ELMO1: variants seen among roughly 807,000 people sequenced by gnomAD.
The protein encoded by ELMO1 is engulfment and cell motility protein 1.
Under a neutral mutation model 98.9 loss-of-function variants are expected in ELMO1, and 26 were observed. The ratio of observed to expected loss-of-function variants is 0.26; its 90% CI spans 0.19 to 0.36. The LOEUF is 0.36. ELMO1 is among the 10% of genes least tolerant of loss of function. The pLI, the probability that ELMO1 is intolerant of heterozygous loss-of-function variation, is 1.00. For synonymous variants in ELMO1, 346 were observed against 346.0 expected, an observed-to-expected ratio of 1.00 and a Z score of 0.00; for missense variants, 627 against 935.2, an observed-to-expected ratio of 0.67 and a Z score of 4.30.
intron 15 of ELMO1, among the ~76,000 whole-genome samples, chr7:37,073,464 C>T (rs1797388491): frequency 6.6e-6 from 1 of 152,106 alleles, no homozygotes; most frequent in South Asian, 2.1e-4. Flanking sequence ...CTCATGGTGG[C>T]AGAATAGTAA....
At chr7:37,356,244 A>G (rs887743187) in intron 1 of ELMO1, among the ~76,000 whole-genome samples, 4 of 152,128 alleles carry the variant, frequency 2.6e-5, no homozygotes, top group African/African-American at 9.7e-5. Context: ...GTTATTGTGA[A>G]CAGTGCTACA....
chr7:37,176,154 T>C (rs187858119), intron 13 of ELMO1, among the ~76,000 whole-genome samples: 1 of 152,300 alleles, frequency 6.6e-6, no homozygotes, highest in African/African-American at 2.4e-5. Flanking sequence ...GCTAGGCAAA[T>C]TAATTTCAGA....
intron 15 of ELMO1, among the ~76,000 whole-genome samples, chr7:37,087,149 C>A (rs1242058647): frequency 6.6e-6 from 1 of 152,114 alleles, no homozygotes; most frequent in African/African-American, 2.4e-5. Flanking sequence ...ACATATGGAA[C>A]ATCTACTAAG....
At chr7:37,167,772 T>C (rs1370745986) in intron 13 of ELMO1, among the ~76,000 whole-genome samples, 1 of 151,526 alleles carries the variant, frequency 6.6e-6, no homozygotes, top group Non-Finnish European at 1.5e-5. Flanking sequence ...GCCCTTAACA[T>C]TTTTTCCTTC....
rs1368722081 is a variant in ELMO1 at position 37,169,210 on chromosome 7, T to G, written c.1087-35976A>C. Among the ~76,000 whole-genome samples, 4 of 152,196 alleles carry G rather than the reference T, an allele frequency of 2.6e-5. No individual in the cohort carries two copies. In the East Asian group the frequency reaches 7.7e-4, roughly 29 times the overall value. ...CTGTTGGAAAAGCGCAGTATTCGGG[T>G]GGGAATGACCCGATTTTCCAGGTGC... is the stretch of plus-strand genomic sequence containing the variant. On this transcript the variant is annotated intron_variant, in intron 13 of 21. Coordinates refer to ENST00000310758, the MANE Select transcript of ELMO1 (RefSeq NM_014800.11).
chr7:37,307,576 T>C (rs1223431520), intron 4 of ELMO1, among the ~76,000 whole-genome samples: 2 of 152,190 alleles, frequency 1.3e-5, no homozygotes, highest in African/African-American at 4.8e-5. Context: ...AACCGAATAT[T>C]AACATTTTAT....
intron 2 of ELMO1, among the ~76,000 whole-genome samples, chr7:37,325,303 C>T (rs1213300330): frequency 6.6e-6 from 1 of 152,262 alleles, no homozygotes; most frequent in Admixed American, 6.5e-5. Context: ...GCCTGTGGGA[C>T]ACTGTCCCCT....
intron 16 of ELMO1, among the ~76,000 whole-genome samples, chr7:37,003,011 G>T (rs757787403): frequency 6.6e-6 from 1 of 152,170 alleles, no homozygotes; most frequent in Non-Finnish European, 1.5e-5. Context: ...GTGGTGGTCC[G>T]ATTGATATCT....
At chr7:36,964,291 A>G (rs955664804) in intron 16 of ELMO1, among the ~76,000 whole-genome samples, 2 of 152,244 alleles carry the variant, frequency 1.3e-5, no homozygotes, top group African/African-American at 4.8e-5. Flanking sequence ...TGAACATCAT[A>G]GCTTAGCATA....
chr7:36,903,964 C>T (rs1783777850), intron 16 of ELMO1, among the ~76,000 whole-genome samples: 1 of 152,248 alleles, frequency 6.6e-6, no homozygotes, highest in African/African-American at 2.4e-5. Context: ...GTCCCTCAGA[C>T]ACCACCTGCT....
chr7:37,188,519 T>TAAA (rs1791383608), intron 13 of ELMO1, among the ~76,000 whole-genome samples: 3 of 127,588 alleles, frequency 2.4e-5, no homozygotes, highest in Admixed American at 7.8e-5. Flanking sequence ...ATAATAATAA[T>TAAA]AATAATAACT....
At chr7:37,190,247 C>T (rs1485978298) in intron 13 of ELMO1, among the ~76,000 whole-genome samples, 3 of 152,268 alleles carry the variant, frequency 2.0e-5, no homozygotes, top group South Asian at 4.1e-4. Context: ...CAACACGTTT[C>T]ATTTGTTCTG....
At chr7:37,367,736 G>A (rs1801960991) in intron 1 of ELMO1, among the ~76,000 whole-genome samples, 1 of 151,938 alleles carries the variant, frequency 6.6e-6, no homozygotes, top group Admixed American at 6.6e-5. Flanking sequence ...GTCCCTACCA[G>A]AAACAAACAA....
chr7:37,297,160 A>G (rs7796758), intron 4 of ELMO1, among the ~76,000 whole-genome samples: 75,453 of 152,022 alleles, frequency 0.5, 19,160 homozygotes, highest in East Asian at 0.7. Context: ...TAATAATAAT[A>G]ATAAAGCTTG....
At chr7:37,435,962 C>CACAATGATCCAG (rs1805125251) in intron 1 of ELMO1, among the ~76,000 whole-genome samples, 1 of 152,190 alleles carries the variant, frequency 6.6e-6, no homozygotes, top group Admixed American at 6.5e-5. Context: ...GCAGGTTCAA[C>CACAATGATCCAG]TGAGGCAAAA....
rs1463816722 is a variant in ELMO1 at position 37,213,418 on chromosome 7, C to T, written c.871G>A (p.Ala291Thr). ...RAQRAINNEM[A>T]HQLYVLQVLT... ...ACTTGTAGAACATACAGCTGGTGCG[C>T]CATCTCATTGTTGATGGCCCGCTGG... The change falls in exon 12 of 22, where the codon GCG becomes ACG. Residue 291 changes from alanine to threonine, a missense_variant. Physicochemically the swap from Ala to Thr is moderately conservative, Grantham distance 58 (BLOSUM62 0). Coordinates refer to ENST00000310758, the MANE Select transcript of ELMO1 (RefSeq NM_014800.11). 2 of 1,612,322 alleles carry T rather than the reference C, an allele frequency of 1.2e-6. No homozygotes were observed. The highest frequency in any genetic ancestry group is 1.7e-6 in the Non-Finnish European group (2 of 1,179,760).
chr7:37,086,889 AC>A (rs1244478929), intron 15 of ELMO1, among the ~76,000 whole-genome samples: 2 of 149,696 alleles, frequency 1.3e-5, no homozygotes, highest in African/African-American at 5.1e-5. Flanking sequence ...TCCCAGTGAT[AC>A]TTTGGAATGT....
intron 16 of ELMO1, among the ~76,000 whole-genome samples, chr7:36,972,080 C>T (rs1584458525): frequency 6.6e-6 from 1 of 152,150 alleles, no homozygotes; most frequent in Non-Finnish European, 1.5e-5. Flanking sequence ...TTGTCGAGCA[C>T]TTATTATGTG....
chr7:37,262,711 G>A (rs962971448), intron 5 of ELMO1, among the ~76,000 whole-genome samples: 3 of 152,206 alleles, frequency 2.0e-5, no homozygotes, highest in Non-Finnish European at 4.4e-5. Flanking sequence ...AAAGAGGAGG[G>A]GAGGACTGTG....
Sources: gnomAD v4.1 joint callset for allele counts (sites outside exome capture counted in the v4.1 genomes callset) on GRCh38, gnomAD v4.1.1 for gene constraint, MANE v1.5 for transcripts, NCBI Gene and HGNC (gene_info 2026-07-23, HGNC 2026-07-21) for gene names.